The following LDLRAD3 variants were observed in gnomAD, a reference collection of about 807,000 sequenced individuals.
LDLRAD3 encodes low-density lipoprotein receptor class A domain-containing protein 3.
A neutral mutation model predicts 29.4 loss-of-function variants in LDLRAD3; 20 were observed. The ratio of observed to expected loss-of-function variants is 0.68; its 90% CI spans 0.48 to 0.99. The LOEUF is 0.99. LDLRAD3 is among the 50% of genes least tolerant of loss of function. LDLRAD3 has a pLI of 0.00. For missense variants in LDLRAD3, 420 were observed against 454.3 expected (o/e 0.92, Z 0.69); for synonymous variants, 157 against 192.7 (o/e 0.81, Z 1.53).
At chr11:35,978,642 G>C (rs143503775) in intron 1 of LDLRAD3, among the ~76,000 whole-genome samples, 86 of 152,256 alleles carry the variant, frequency 5.6e-4, no homozygotes, top group African/African-American at 1.8e-3. Context: ...TAGCCTCATG[G>C]TCTCTCCTAA....
At chr11:36,165,004 A>G (rs1313039534) in intron 4 of LDLRAD3, among the ~76,000 whole-genome samples, 1 of 152,244 alleles carries the variant, frequency 6.6e-6, no homozygotes, top group Non-Finnish European at 1.5e-5. Flanking sequence ...TTTGGAAAAT[A>G]TAGAACAGGG....
chr11:36,082,356 A>C, intron 3 of LDLRAD3, among the ~76,000 whole-genome samples: 1 of 152,086 alleles, frequency 6.6e-6, no homozygotes, highest in East Asian at 1.9e-4. Flanking sequence ...AAAAAGTACA[A>C]AAGTTAAGTA....
At chr11:36,154,687 T>C (rs77123351) in intron 4 of LDLRAD3, among the ~76,000 whole-genome samples, 1 of 152,236 alleles carries the variant, frequency 6.6e-6, no homozygotes, top group Non-Finnish European at 1.5e-5. Flanking sequence ...CAGTCTGGAG[T>C]CAGGTAACTT....
intron 1 of LDLRAD3, among the ~76,000 whole-genome samples, chr11:35,995,100 A>T (rs2133171371): frequency 6.6e-6 from 1 of 152,320 alleles, no homozygotes; most frequent in Non-Finnish European, 1.5e-5. Flanking sequence ...GTCATCTGAA[A>T]TGGTGAATCC....
intron 4 of LDLRAD3, among the ~76,000 whole-genome samples, chr11:36,143,565 A>G (rs1056332584): frequency 6.6e-6 from 1 of 152,222 alleles, no homozygotes; most frequent in Non-Finnish European, 1.5e-5. Flanking sequence ...TGCCACAGGA[A>G]AAAGAGAAAC....
chr11:36,202,489 C>T (rs61879038), intron 4 of LDLRAD3, among the ~76,000 whole-genome samples: 9,887 of 152,210 alleles, frequency 0.065, 427 homozygotes, highest in East Asian at 0.17. Context: ...TCCTAGTCAC[C>T]GAAGTTTGAG....
chr11:36,059,864 T>C (rs1852671843), intron 2 of LDLRAD3, among the ~76,000 whole-genome samples: 2 of 152,182 alleles, frequency 1.3e-5, no homozygotes, highest in Admixed American at 1.3e-4. Flanking sequence ...TATCCACCCA[T>C]GCTTAGCACA....
At chr11:36,097,906 G>A (rs1182991375) in intron 3 of LDLRAD3, among the ~76,000 whole-genome samples, 4 of 152,158 alleles carry the variant, frequency 2.6e-5, no homozygotes, top group African/African-American at 9.7e-5. Flanking sequence ...AGACTAGAAA[G>A]TTCTAAAAAG....
At chr11:36,111,628 TCTCA>T (rs1853606916) in intron 4 of LDLRAD3, among the ~76,000 whole-genome samples, 1 of 150,508 alleles carries the variant, frequency 6.6e-6, no homozygotes, top group Admixed American at 6.7e-5. Context: ...TGAGATGGAG[TCTCA>T]CTCTGTTGCC....
At chr11:35,958,449 A>G (rs1851233498) in intron 1 of LDLRAD3, among the ~76,000 whole-genome samples, 1 of 151,974 alleles carries the variant, frequency 6.6e-6, no homozygotes, top group Non-Finnish European at 1.5e-5. Flanking sequence ...TCATTTCTTT[A>G]TTTTCTTCTG....
At chr11:36,126,224 G>A (rs888809971) in intron 4 of LDLRAD3, among the ~76,000 whole-genome samples, 2 of 151,930 alleles carry the variant, frequency 1.3e-5, no homozygotes, top group Non-Finnish European at 2.9e-5. Flanking sequence ...TGCACTGCCC[G>A]CCCCCTCATC....
intron 1 of LDLRAD3, among the ~76,000 whole-genome samples, chr11:35,974,838 G>A (rs982372050): frequency 2.0e-5 from 3 of 152,218 alleles, no homozygotes; most frequent in African/African-American, 7.2e-5. Flanking sequence ...GATCACACAA[G>A]GGCATGATGC....
intron 4 of LDLRAD3, among the ~76,000 whole-genome samples, chr11:36,193,114 T>C (rs1037760663): frequency 7.2e-5 from 11 of 152,174 alleles, no homozygotes; most frequent in African/African-American, 2.4e-4. Flanking sequence ...TGTGGGAAAA[T>C]CACGGAATCT....
At chr11:35,960,035 T>A (rs1851256869) in intron 1 of LDLRAD3, among the ~76,000 whole-genome samples, 2 of 152,196 alleles carry the variant, frequency 1.3e-5, no homozygotes, top group Non-Finnish European at 2.9e-5. Flanking sequence ...AATTGGCATA[T>A]ATCCTTTCTG....
chr11:36,098,748 A>G lies in LDLRAD3; in HGVS notation c.454+287A>G, dbSNP rs576420525. On this transcript the variant is annotated intron_variant, in intron 4 of 5. Transcript: ENST00000315571. ...CAACTGTGTTACATACTGTCATGTT[A>G]CTCTCCTGTGGTTTTCTGAGACAAC... Among the ~76,000 whole-genome samples, 177 of 152,202 alleles carry G rather than the reference A, an allele frequency of 1.2e-3. 1 individual carries two copies. The highest frequency in any genetic ancestry group is 4.1e-3 in the African/African-American group (171 of 41,516).
intron 4 of LDLRAD3, among the ~76,000 whole-genome samples, chr11:36,124,368 T>C (rs1476824243): frequency 1.3e-5 from 2 of 152,182 alleles, no homozygotes. Context: ...TAGGTAGCAT[T>C]TGTAACTGAC....
intron 2 of LDLRAD3, among the ~76,000 whole-genome samples, chr11:36,077,247 C>T (rs1018157472): frequency 6.6e-6 from 1 of 152,134 alleles, no homozygotes; most frequent in African/African-American, 2.4e-5. Flanking sequence ...CTGGTTTATC[C>T]TCCTGTATTT....
chr11:35,984,901 A>G (rs558567763), intron 1 of LDLRAD3, among the ~76,000 whole-genome samples: 26 of 148,516 alleles, frequency 1.8e-4, no homozygotes, highest in Non-Finnish European at 3.1e-4. Flanking sequence ...AAGCACTGGG[A>G]TTACAGGCGT....
intron 4 of LDLRAD3, among the ~76,000 whole-genome samples, chr11:36,168,231 A>G (rs1325130371): frequency 6.6e-6 from 1 of 152,222 alleles, no homozygotes; most frequent in Non-Finnish European, 1.5e-5. Flanking sequence ...CAACAAGATC[A>G]TAAAGCTAAG....
Sources: allele counts gnomAD v4.1 joint callset (sites outside exome capture counted in the v4.1 genomes callset), GRCh38; gene constraint gnomAD v4.1.1; transcripts MANE v1.5; gene names NCBI Gene and HGNC (gene_info 2026-07-23, HGNC 2026-07-21).